GPR137C: variants seen among roughly 807,000 people sequenced by gnomAD.
GPR137C encodes G protein-coupled receptor 137C.
Under a neutral mutation model 43.4 loss-of-function variants are expected in GPR137C, and 27 were observed. That is an observed-to-expected ratio of 0.62 (90% CI 0.46 to 0.86). GPR137C has a LOEUF of 0.86. Among genes scored for constraint, GPR137C ranks in the 40% least tolerant of loss-of-function variants. The pLI is 0.00. For missense variants in GPR137C, 522 were observed against 534.6 expected, an observed-to-expected ratio of 0.98 and a Z score of 0.23; for synonymous variants, 285 against 226.9, an observed-to-expected ratio of 1.26 and a Z score of -2.30.
chr14:52,567,667 T>G (rs2038393066), intron 1 of GPR137C, among the ~76,000 whole-genome samples: 1 of 151,084 alleles, frequency 6.6e-6, no homozygotes, highest in Non-Finnish European at 1.5e-5. Context: ...TTTTGGTTTT[T>G]TTTTTTTTTT....
intron 3 of GPR137C, among the ~76,000 whole-genome samples, chr14:52,616,608 G>A (rs552071167): frequency 3.3e-5 from 5 of 152,018 alleles, no homozygotes; most frequent in Middle Eastern, 3.4e-3. Flanking sequence ...TAGGTTCCTC[G>A]TCTTCCACAT....
At chr14:52,567,417 C>T (rs1203590733) in intron 1 of GPR137C, among the ~76,000 whole-genome samples, 1 of 152,166 alleles carries the variant, frequency 6.6e-6, no homozygotes. Context: ...ATATGATAAA[C>T]ACTTTTTCTA....
At chr14:52,631,837 A>G (rs2039297175) in intron 3 of GPR137C, among the ~76,000 whole-genome samples, 1 of 151,908 alleles carries the variant, frequency 6.6e-6, no homozygotes, top group Admixed American at 6.6e-5. Context: ...TGACTAAACT[A>G]CCTCTTTGAT....
intron 1 of GPR137C, among the ~76,000 whole-genome samples, chr14:52,587,424 C>T (rs2038727092): frequency 6.6e-6 from 1 of 152,080 alleles, no homozygotes; most frequent in Non-Finnish European, 1.5e-5. Context: ...AAAATATGTA[C>T]AAAGGCACAG....
intron 1 of GPR137C, among the ~76,000 whole-genome samples, chr14:52,576,894 A>G (rs2038560841): frequency 1.3e-5 from 2 of 152,162 alleles, no homozygotes; most frequent in Non-Finnish European, 2.9e-5. Flanking sequence ...GGAACTCTCA[A>G]TACTATGTAA....
At chr14:52,589,632 AT>A (rs2038756548) in intron 1 of GPR137C, among the ~76,000 whole-genome samples, 2 of 152,188 alleles carry the variant, frequency 1.3e-5, no homozygotes, top group South Asian at 4.1e-4. Flanking sequence ...CCTTCATTAC[AT>A]TCAGCCTCTA....
intron 1 of GPR137C, among the ~76,000 whole-genome samples, chr14:52,577,841 C>T (rs1011561879): frequency 6.6e-6 from 1 of 150,990 alleles, no homozygotes; most frequent in African/African-American, 2.4e-5. Context: ...GTGGCATGCA[C>T]CTGTAAGTCC....
intron 1 of GPR137C, among the ~76,000 whole-genome samples, chr14:52,584,801 A>C (rs1352016208): frequency 6.6e-6 from 1 of 152,108 alleles, no homozygotes; most frequent in Non-Finnish European, 1.5e-5. Flanking sequence ...GAGCCTTGCT[A>C]TGCTGACCAG....
chr14:52,555,611 A>G (rs2038180728), intron 1 of GPR137C, among the ~76,000 whole-genome samples: 1 of 152,222 alleles, frequency 6.6e-6, no homozygotes. Context: ...CAAGCTAGTG[A>G]GGAAGAATTT....
At chr14:52,562,707 GATA>G (rs1203081412) in intron 1 of GPR137C, among the ~76,000 whole-genome samples, 3 of 152,140 alleles carry the variant, frequency 2.0e-5, no homozygotes, top group African/African-American at 7.2e-5. Context: ...AATACTATAT[GATA>G]ATAAAAATAC....
Position 52,598,262 on chromosome 14 carries a change from C to A in GPR137C, c.445-10C>A, listed in dbSNP as rs1022550605. On this transcript the variant is annotated splice_polypyrimidine_tract_variant and intron_variant, in intron 1 of 6. Coordinates refer to ENST00000321662, the MANE Select transcript of GPR137C (RefSeq NM_001099652.2). Reference sequence around the variant, plus strand: ...GTTTTCAAAATTTTTTTTTTATATTCTCTTTATAGGTTATATGTAAAGTCA... The same window carrying A: ...GTTTTCAAAATTTTTTTTTTATATTATCTTTATAGGTTATATGTAAAGTCA... 8.2e-7 allele frequency: 1 copy of A among 1,224,274 alleles called. No individual in the cohort carries two copies. Among genetic ancestry groups the A allele is most frequent in the Non-Finnish European group, 1.1e-6 (1 of 896,686 alleles). 75.8% of individuals were successfully genotyped at this position (1,224,274 alleles called of 1,614,324 possible). A position where few individuals can be genotyped will look rare whatever the true frequency, so the allele number is the denominator to read the frequency against.
At chr14:52,621,165 A>T (rs1157739597) in intron 3 of GPR137C, among the ~76,000 whole-genome samples, 1 of 151,854 alleles carries the variant, frequency 6.6e-6, no homozygotes, top group Non-Finnish European at 1.5e-5. Context: ...GAAAACAGAG[A>T]AAAATAAATT....
intron 1 of GPR137C, among the ~76,000 whole-genome samples, chr14:52,575,199 T>C (rs554616508): frequency 1.2e-4 from 19 of 152,304 alleles, no homozygotes; most frequent in Admixed American, 6.5e-4. Flanking sequence ...CACCCATAAA[T>C]TTAATACTTC....
Position 52,583,448 on chromosome 14 carries a change from C to T in GPR137C, c.445-14824C>T, listed in dbSNP as rs189198863. 2.0e-3 allele frequency among the ~76,000 whole-genome samples: 307 copies of T among 152,210 alleles called. 3 individuals carry two copies. The highest frequency in any genetic ancestry group is 3.3e-3 in the Non-Finnish European group (222 of 68,006). On this transcript the variant is annotated intron_variant, in intron 1 of 6. Transcript: ENST00000321662. ...ATGTTCTGCAAATCTGGGATGGTAG[C>T]TGACCTTTATTTTTTTTCTCATCCA...
At chr14:52,555,388 ACCACCC>A (rs2038177235) in intron 1 of GPR137C, among the ~76,000 whole-genome samples, 1 of 152,128 alleles carries the variant, frequency 6.6e-6, no homozygotes, top group Non-Finnish European at 1.5e-5. Context: ...CCATGTTACC[ACCACCC>A]AGATTAAGAT....
intron 1 of GPR137C, among the ~76,000 whole-genome samples, chr14:52,593,041 G>T (rs2038804270): frequency 6.6e-6 from 1 of 152,132 alleles, no homozygotes; most frequent in Non-Finnish European, 1.5e-5. Context: ...TTAGCATGAA[G>T]GGCTGTTGAA....
chr14:52,569,005 A>G (rs2038420045), intron 1 of GPR137C, among the ~76,000 whole-genome samples: 1 of 152,086 alleles, frequency 6.6e-6, no homozygotes, highest in African/African-American at 2.4e-5. Flanking sequence ...ACTGGGAGAT[A>G]CCTCCCAGCA....
chr14:52,570,081 A>G (rs546608964), intron 1 of GPR137C, among the ~76,000 whole-genome samples: 1 of 152,328 alleles, frequency 6.6e-6, no homozygotes, highest in East Asian at 1.9e-4. Flanking sequence ...AAAAATGTTA[A>G]GGGCAGCTAG....
chr14:52,565,672 T>A (rs1474462274), intron 1 of GPR137C, among the ~76,000 whole-genome samples: 1 of 152,222 alleles, frequency 6.6e-6, no homozygotes, highest in Non-Finnish European at 1.5e-5. Flanking sequence ...CATTTTCTTC[T>A]TTCCACCTCC....
Sources: allele counts gnomAD v4.1 joint callset (sites outside exome capture counted in the v4.1 genomes callset), GRCh38; gene constraint gnomAD v4.1.1; transcripts MANE v1.5; gene names NCBI Gene and HGNC (gene_info 2026-07-23, HGNC 2026-07-21).